SHISA9: variants seen among roughly 807,000 people sequenced by gnomAD.
SHISA9 encodes the protein protein shisa-9.
SHISA9 carries 13 observed loss-of-function variants against 38.0 expected under a neutral mutation model. The ratio of observed to expected loss-of-function variants is 0.34; its 90% confidence interval spans 0.22 to 0.54. The LOEUF is 0.54. Among genes scored for constraint, SHISA9 ranks in the 20% least tolerant of loss-of-function variants. The probability of loss-of-function intolerance (pLI) is 0.91; values close to 1 mark genes in which losing one functional copy is unlikely to be tolerated. For missense variants in SHISA9, 538 were observed against 575.8 expected, an observed-to-expected ratio of 0.93 and a Z score of 0.67; for synonymous variants, 275 against 242.0, an observed-to-expected ratio of 1.14 and a Z score of -1.27.
At chr16:13,175,670 T>A (rs1018417229) in intron 2 of SHISA9, among the ~76,000 whole-genome samples, 1 of 152,244 alleles carries the variant, frequency 6.6e-6, no homozygotes, top group Non-Finnish European at 1.5e-5. Context: ...AGCTCCAGTA[T>A]TTCTCTGCAT....
chr16:13,417,067 C>G, the SHISA9 span, among the ~76,000 whole-genome samples: 1 of 152,200 alleles, frequency 6.6e-6, no homozygotes, highest in Non-Finnish European at 1.5e-5. Flanking sequence ...CAGAAAATCA[C>G]AAGGGCTATA....
At chr16:13,474,777 A>C in the SHISA9 span, among the ~76,000 whole-genome samples, 1 of 152,198 alleles carries the variant, frequency 6.6e-6, no homozygotes, top group Non-Finnish European at 1.5e-5. Context: ...GACAAGAATA[A>C]GACAACCATG....
Position 13,020,198 on chromosome 16 carries a change from G to A in SHISA9, c.691+103383G>A, listed in dbSNP as rs146912524. Among the ~76,000 whole-genome samples, 991 of 151,336 alleles carry A rather than the reference G, an allele frequency of 6.5e-3. 7 individuals are homozygous for A. Among genetic ancestry groups the A allele is most frequent in the Middle Eastern group, 0.02 (6 of 294 alleles). Reference sequence around the variant, plus strand: ...AGTGCCACCATGCCTGGCTAATTTTGTATTTTTAGTGGAGACAGGATTTCA... The same window carrying A: ...AGTGCCACCATGCCTGGCTAATTTTATATTTTTAGTGGAGACAGGATTTCA... On this transcript the variant is annotated intron_variant, in intron 2 of 4. Transcript: ENST00000558583.
chr16:13,299,268 A>G, the SHISA9 span, among the ~76,000 whole-genome samples: 1 of 152,312 alleles, frequency 6.6e-6, no homozygotes, highest in East Asian at 1.9e-4. Flanking sequence ...ACTGCTCTAG[A>G]TGACCTTTCA....
chr16:12,902,159 T>C lies in SHISA9; in HGVS notation c.95T>C (p.Leu32Pro). Residue 32 changes from leucine to proline, a missense_variant, in exon 1 of 5, where the codon CTG becomes CCG. This residue lies in a region of SHISA9 where 107 missense variants were observed against 103.0 expected (regional missense o/e 1.04). Coordinates refer to ENST00000558583, the MANE Select transcript of SHISA9 (RefSeq NM_001145204.3). Reference protein sequence around the residue: ...RAQERAGHGQLAQLGGVLLLA... With the variant: ...RAQERAGHGQPAQLGGVLLLA... ...CAGGAGCGAGCGGGACACGGGCAGC[T>C]GGCGCAACTGGGCGGCGTGTTGCTG... 1 of 1,525,150 alleles carries C rather than the reference T, an allele frequency of 6.6e-7. No individual in the cohort carries two copies. The highest frequency in any genetic ancestry group is 8.8e-7 in the Non-Finnish European group (1 of 1,141,718). The allele number at this position is 1,525,150 out of a possible 1,614,324, so 94.5% of individuals were successfully genotyped here.
chr16:13,242,369 A>T (rs1346860260), downstream of SHISA9, among the ~76,000 whole-genome samples: 1 of 152,204 alleles, frequency 6.6e-6, no homozygotes, highest in Non-Finnish European at 1.5e-5. Flanking sequence ...GTTTGTAACA[A>T]GCTCCCTGTC....
At position 13,235,484 on chromosome 16, in the gene SHISA9, C is replaced by T. The variant is rs1475591121; in HGVS notation, c.*75C>T. Reference sequence around the variant, plus strand: ...AAAAAACAACCCCGCCCACACCCTCCCCATCCTCCCCTAATACATGCGTCC... The same window carrying T: ...AAAAAACAACCCCGCCCACACCCTCTCCATCCTCCCCTAATACATGCGTCC... On this transcript the variant is annotated 3_prime_UTR_variant, in exon 5 of 5. Transcript: ENST00000558583. The T allele has an allele frequency of 4.2e-6, 6 of 1,437,188 alleles. No homozygotes were observed. In the Admixed American group the frequency reaches 7.5e-5, roughly 18 times the overall value. The allele number at this position is 1,437,188 out of a possible 1,614,324, so 89.0% of individuals were successfully genotyped here. A position where few individuals can be genotyped will look rare whatever the true frequency, so the allele number is the denominator to read the frequency against.
intron 3 of SHISA9, among the ~76,000 whole-genome samples, chr16:13,203,786 C>T (rs530265431): frequency 7.9e-4 from 120 of 152,164 alleles, no homozygotes; most frequent in African/African-American, 2.8e-3. Context: ...CACCTATACA[C>T]TCTATCCATC....
At chr16:12,937,419 C>T (rs1239484365) in intron 2 of SHISA9, among the ~76,000 whole-genome samples, 2 of 152,216 alleles carry the variant, frequency 1.3e-5, no homozygotes, top group Non-Finnish European at 2.9e-5. Context: ...TATGCATTTA[C>T]TAACATTTCT....
At chr16:12,902,836 G>C in intron 1 of SHISA9, 1 of 575,346 alleles carries the variant, frequency 1.7e-6, no homozygotes. Context: ...GAGCGTGTTC[G>C]TGTGTGTGTG....
the SHISA9 span, among the ~76,000 whole-genome samples, chr16:13,401,386 C>T: frequency 6.6e-6 from 1 of 152,182 alleles, no homozygotes; most frequent in Non-Finnish European, 1.5e-5. Flanking sequence ...TATGATAGAA[C>T]TGAGGCTGAG....
chr16:13,280,311 A>G, the SHISA9 span, among the ~76,000 whole-genome samples: 1 of 151,336 alleles, frequency 6.6e-6, no homozygotes, highest in Non-Finnish European at 1.5e-5. Context: ...TTATGCTTTT[A>G]TATTATTTCT....
At chr16:12,911,385 T>A in intron 1 of SHISA9, 1 of 985,460 alleles carries the variant, frequency 1.0e-6, no homozygotes, top group Non-Finnish European at 1.2e-6. Context: ...AGCACATTCC[T>A]GTCTATAAAA....
chr16:13,562,432 C>G, the SHISA9 span, among the ~76,000 whole-genome samples: 1 of 152,054 alleles, frequency 6.6e-6, no homozygotes, highest in Non-Finnish European at 1.5e-5. Flanking sequence ...GAGCTCGAGA[C>G]CAGCCTGGCC....
the SHISA9 span, among the ~76,000 whole-genome samples, chr16:13,535,537 A>G: frequency 1.3e-5 from 2 of 152,138 alleles, no homozygotes; most frequent in Non-Finnish European, 2.9e-5. Flanking sequence ...TCGTTTACTT[A>G]TTCTCTACAG....
chr16:13,029,743 A>G (rs1250332748), intron 2 of SHISA9, among the ~76,000 whole-genome samples: 1 of 152,246 alleles, frequency 6.6e-6, no homozygotes, highest in Non-Finnish European at 1.5e-5. Flanking sequence ...GGGATCTGAA[A>G]ATAAAAACAA....
In SHISA9 at chr16:13,115,759, G is replaced by A. The variant is rs565287466; in HGVS notation, c.692-87635G>A. On this transcript the variant is annotated intron_variant, in intron 2 of 4. Transcript: ENST00000558583. The stretch of plus-strand genomic sequence containing the variant: ...AAACCTGGCCAAGAATAACTGGTAA[G>A]CCCATTATACTGGTTCATACCAGCT... Among the ~76,000 whole-genome samples the A allele has an allele frequency of 2.6e-5, 4 of 152,288 alleles. No homozygotes were observed. The South Asian group carries it at 6.2e-4, about 24-fold the overall frequency.
At chr16:12,998,206 A>G (rs1418224587) in intron 2 of SHISA9, among the ~76,000 whole-genome samples, 2 of 152,258 alleles carry the variant, frequency 1.3e-5, no homozygotes, top group Non-Finnish European at 2.9e-5. Context: ...AGGAACATAT[A>G]GGGAAGCAGG....
At chr16:12,944,859 T>C (rs926063838) in intron 2 of SHISA9, among the ~76,000 whole-genome samples, 4 of 152,134 alleles carry the variant, frequency 2.6e-5, no homozygotes, top group African/African-American at 9.7e-5. Context: ...AATAATTTAT[T>C]TGAGAGTTGA....
Sources: allele counts gnomAD v4.1 joint callset (sites outside exome capture counted in the v4.1 genomes callset), GRCh38; gene constraint gnomAD v4.1.1; regional missense constraint gnomAD v4.1.1; transcripts MANE v1.5; gene names NCBI Gene and HGNC (gene_info 2026-07-23, HGNC 2026-07-21).